PDE1C: variants seen among roughly 807,000 people sequenced by gnomAD.
The protein encoded by PDE1C is phosphodiesterase 1C, also known as dual specificity calcium/calmodulin-dependent 3',5'-cyclic nucleotide phosphodiesterase 1C.
Under a neutral mutation model 93.1 loss-of-function variants are expected in PDE1C, and 62 were observed. The ratio of observed to expected loss-of-function variants is 0.67; its 90% CI spans 0.54 to 0.82. The LOEUF is 0.82. PDE1C is among the 40% of genes least tolerant of loss of function. The pLI is 0.00. For synonymous variants in PDE1C, 325 were observed against 310.1 expected, an observed-to-expected ratio of 1.05 and a Z score of -0.50; for missense variants, 742 against 884.6, an observed-to-expected ratio of 0.84 and a Z score of 2.04.
the PDE1C span, among the ~76,000 whole-genome samples, chr7:31,686,408 C>T: frequency 5.3e-5 from 8 of 152,288 alleles, no homozygotes; most frequent in South Asian, 1.5e-3. Flanking sequence ...CTACGTATTC[C>T]TAATATTGGT....
At chr7:31,839,550 A>G (rs1756852088) in intron 9 of PDE1C, among the ~76,000 whole-genome samples, 1 of 152,162 alleles carries the variant, frequency 6.6e-6, no homozygotes, top group East Asian at 1.9e-4. Context: ...CTATCATATG[A>G]GCATACCACA....
At chr7:32,242,374 C>A (rs1808606823) in intron 1 of PDE1C, among the ~76,000 whole-genome samples, 1 of 151,980 alleles carries the variant, frequency 6.6e-6, no homozygotes. Flanking sequence ...AAGGAGTAGT[C>A]AATGAGATGT....
the PDE1C span, chr7:31,707,314 G>A: frequency 1.3e-6 from 2 of 1,576,996 alleles, no homozygotes; most frequent in Non-Finnish European, 1.7e-6. Context: ...CTTGTAAATA[G>A]GTTAGATTGG....
chr7:32,094,429 G>A (rs60575424), intron 3 of PDE1C, among the ~76,000 whole-genome samples: 5,416 of 152,234 alleles, frequency 0.036, 194 homozygotes, highest in East Asian at 0.17. Flanking sequence ...TGACTGTAGC[G>A]GAGGGTATGT....
chr7:31,695,703 A>C, the PDE1C span: 1 of 1,402,724 alleles, frequency 7.1e-7, no homozygotes, highest in Non-Finnish European at 9.7e-7. Context: ...TTTTTCCTTA[A>C]ATATTCAGGT....
intron 7 of PDE1C, among the ~76,000 whole-genome samples, chr7:31,852,575 T>A (rs1315396153): frequency 6.6e-6 from 1 of 152,052 alleles, no homozygotes; most frequent in Middle Eastern, 3.2e-3. Flanking sequence ...TATAGAAACT[T>A]ATATAACTCT....
chr7:31,962,603 T>C (rs1362138681), intron 2 of PDE1C, among the ~76,000 whole-genome samples: 2 of 152,158 alleles, frequency 1.3e-5, no homozygotes, highest in Admixed American at 6.5e-5. Context: ...CCTGAAAATC[T>C]AGAGAAGGCT....
chr7:32,269,846 T>A (rs1196340377), intron 1 of PDE1C, among the ~76,000 whole-genome samples: 1 of 152,166 alleles, frequency 6.6e-6, no homozygotes, highest in Non-Finnish European at 1.5e-5. Context: ...TAGTCCTAGC[T>A]CACTGCAAGC....
chr7:32,023,114 T>A (rs941178785), intron 2 of PDE1C, among the ~76,000 whole-genome samples: 1 of 152,120 alleles, frequency 6.6e-6, no homozygotes, highest in South Asian at 2.1e-4. Context: ...CTTTTATGGC[T>A]GAGTTATTGC....
At chr7:32,358,378 T>C (rs1246654612) in intron 1 of PDE1C, among the ~76,000 whole-genome samples, 4 of 152,152 alleles carry the variant, frequency 2.6e-5, no homozygotes, top group Non-Finnish European at 5.9e-5. Context: ...AGCAGCACAA[T>C]ATAATTAGAC....
intron 1 of PDE1C, among the ~76,000 whole-genome samples, chr7:32,231,516 G>A (rs35533351): frequency 0.11 from 15,991 of 152,096 alleles, 899 homozygotes; most frequent in East Asian, 0.13. Context: ...AATTAAATCT[G>A]TAATAAAACA....
chr7:32,164,190 T>C (rs1042728783), intron 3 of PDE1C, among the ~76,000 whole-genome samples: 1 of 152,142 alleles, frequency 6.6e-6, no homozygotes, highest in Non-Finnish European at 1.5e-5. Context: ...AGGATCTGCA[T>C]TTAACAGGAT....
chr7:32,420,392 T>C (rs1306744), intron 1 of PDE1C, among the ~76,000 whole-genome samples: 22,500 of 32,860 alleles, frequency 0.68, 10,533 homozygotes, highest in South Asian at 0.82. Context: ...TATATATATA[T>C]ACACACACAC....
At chr7:31,883,964 C>T (rs974200682) in intron 2 of PDE1C, among the ~76,000 whole-genome samples, 12 of 152,314 alleles carry the variant, frequency 7.9e-5, no homozygotes, top group African/African-American at 2.9e-4. Context: ...AAATAGAAAG[C>T]AAAACCCTAG....
At chr7:31,783,413 G>C (rs1457366896) in intron 16 of PDE1C, 3 of 152,108 alleles carry the variant, frequency 2.0e-5, no homozygotes, top group Non-Finnish European at 4.4e-5. Context: ...GAATACAAAA[G>C]AGACAGATGG....
At position 32,247,176 on chromosome 7, in the gene PDE1C, G is replaced by A. The variant is rs1038392659; in HGVS notation, c.86-37637C>T. ...CAAATGAAGAAAGGTGTCAGCATAC[G>A]CAAAGGCCAAGAAGAGTTCATGAAC... On this transcript the variant is annotated intron_variant, in intron 1 of 18. Transcript: ENST00000396193. Among the ~76,000 whole-genome samples the A allele has an allele frequency of 3.9e-5, 6 of 152,320 alleles. No individual in the cohort carries two copies. In the South Asian group the frequency reaches 6.2e-4, roughly 16 times the overall value.
At chr7:32,355,652 A>G (rs1784017063) in intron 1 of PDE1C, among the ~76,000 whole-genome samples, 1 of 152,002 alleles carries the variant, frequency 6.6e-6, no homozygotes, top group South Asian at 2.1e-4. Context: ...GTTTGTTCCT[A>G]TTTCTAAGAT....
At chr7:32,359,416 T>C (rs1784092634) in intron 1 of PDE1C, among the ~76,000 whole-genome samples, 1 of 152,184 alleles carries the variant, frequency 6.6e-6, no homozygotes, top group Non-Finnish European at 1.5e-5. Context: ...TGTATATGTA[T>C]ATGTATATGA....
At chr7:31,828,795 C>T (rs1790016829) in intron 11 of PDE1C, among the ~76,000 whole-genome samples, 1 of 152,158 alleles carries the variant, frequency 6.6e-6, no homozygotes, top group South Asian at 2.1e-4. Flanking sequence ...AAAATTCAAA[C>T]TGGACTGATT....
Sources: gnomAD v4.1 joint callset for allele counts (sites outside exome capture counted in the v4.1 genomes callset) on GRCh38, gnomAD v4.1.1 for gene constraint, MANE v1.5 for transcripts, NCBI Gene and HGNC (gene_info 2026-07-23, HGNC 2026-07-21) for gene names.